RYR2: variants seen among roughly 807,000 people sequenced by gnomAD.
The protein encoded by RYR2 is ryanodine receptor 2, also known as cardiac muscle ryanodine receptor-calcium release channel.
A neutral mutation model predicts 601.1 loss-of-function variants in RYR2; 227 were observed. The ratio of observed to expected loss-of-function variants is 0.38; its 90% CI spans 0.34 to 0.42. The LOEUF is 0.42. RYR2 is among the 10% of genes least tolerant of loss of function. The pLI is 1.00. For missense variants in RYR2, 4,646 were observed against 6,156.5 expected (o/e 0.75, Z 8.21); for synonymous variants, 2,223 against 2,175.1 (o/e 1.02, Z -0.61).
chr1:237,777,161 C>T (rs77374703), intron 87 of RYR2, among the ~76,000 whole-genome samples: 1 of 152,162 alleles, frequency 6.6e-6, no homozygotes, highest in Non-Finnish European at 1.5e-5. Flanking sequence ...AATGGAGAGG[C>T]TCAGCACACG....
intron 1 of RYR2, among the ~76,000 whole-genome samples, chr1:237,150,471 A>C (rs1371237895): frequency 6.6e-6 from 1 of 152,156 alleles, no homozygotes; most frequent in Non-Finnish European, 1.5e-5. Flanking sequence ...CCGGTGCTTA[A>C]CCTAATACCT....
chr1:237,321,235 T>C (rs991587981), intron 2 of RYR2, among the ~76,000 whole-genome samples: 4 of 152,094 alleles, frequency 2.6e-5, no homozygotes, highest in South Asian at 2.1e-4. Flanking sequence ...TAAAAAGTGA[T>C]ATAGCTATTA....
chr1:237,473,308 C>T (rs1285682382), intron 17 of RYR2, among the ~76,000 whole-genome samples: 1 of 151,948 alleles, frequency 6.6e-6, no homozygotes, highest in African/African-American at 2.4e-5. Flanking sequence ...CCTGTAATCC[C>T]AGCTACTGGG....
chr1:237,552,469 A>G (rs1485840930), intron 27 of RYR2, among the ~76,000 whole-genome samples: 1 of 152,140 alleles, frequency 6.6e-6, no homozygotes, highest in Non-Finnish European at 1.5e-5. Flanking sequence ...TGACAGTTGT[A>G]GAAACAAAAG....
At chr1:237,498,066 A>T (rs1664262033) in intron 20 of RYR2, among the ~76,000 whole-genome samples, 1 of 152,030 alleles carries the variant, frequency 6.6e-6, no homozygotes, top group African/African-American at 2.4e-5. Context: ...GGGTTTCACC[A>T]TGCTGGCCAG....
chr1:237,349,976 T>C (rs1466334434), intron 3 of RYR2, among the ~76,000 whole-genome samples: 1 of 152,118 alleles, frequency 6.6e-6, no homozygotes, highest in Non-Finnish European at 1.5e-5. Context: ...CTTTATGATA[T>C]GTAAATTATA....
At chr1:237,056,880 C>T (rs1422305325) in intron 1 of RYR2, among the ~76,000 whole-genome samples, 1 of 152,146 alleles carries the variant, frequency 6.6e-6, no homozygotes, top group Non-Finnish European at 1.5e-5. Flanking sequence ...AACAGGTTCC[C>T]CCTCCCACCC....
At position 237,500,453 on chromosome 1, in the gene RYR2, A is replaced by G. The variant is rs149384715; in HGVS notation, c.2204-258A>G. On this transcript the variant is annotated intron_variant, in intron 20 of 104. Transcript: ENST00000366574. ...ATAGATAATTTCTGGATCAGTTGCC[A>G]TCCGTCTACATGCAGAAGTTTCTGT... Among the ~76,000 whole-genome samples the G allele has an allele frequency of 4.3e-3, 660 of 152,340 alleles. 2 individuals are homozygous for G. The highest frequency in any genetic ancestry group is 0.014 in the African/African-American group (596 of 41,574).
intron 1 of RYR2, among the ~76,000 whole-genome samples, chr1:237,262,247 T>TG (rs1688605459): frequency 1.2e-5 from 1 of 81,998 alleles, no homozygotes; most frequent in African/African-American, 9.5e-5. Context: ...TCTAAAGAGT[T>TG]TTTTTTTTTT....
intron 19 of RYR2, among the ~76,000 whole-genome samples, chr1:237,494,059 C>T (rs1663747631): frequency 6.6e-6 from 1 of 152,134 alleles, no homozygotes; most frequent in Non-Finnish European, 1.5e-5. Flanking sequence ...CGCCACACTG[C>T]CTTTCTTATC....
At chr1:237,566,864 TG>T (rs1672140588) in intron 28 of RYR2, 89 bp downstream of exon 28, 1 of 1,332,024 alleles carries the variant, frequency 7.5e-7, no homozygotes, top group East Asian at 2.3e-5. Flanking sequence ...ACAGTACCAG[TG>T]TTTCCCACAG....
chr1:237,491,979 T>A, intron 18 of RYR2, 55 bp downstream of exon 18: 2 of 791,940 alleles, frequency 2.5e-6, no homozygotes, highest in Non-Finnish European at 4.1e-6. Flanking sequence ...TTAGATATAT[T>A]TTTAAATACA....
At chr1:237,086,924 A>G (rs182089176) in intron 1 of RYR2, among the ~76,000 whole-genome samples, 1 of 152,312 alleles carries the variant, frequency 6.6e-6, no homozygotes, top group East Asian at 1.9e-4. Flanking sequence ...CCGGAGGAAC[A>G]TGAACTGCCT....
chr1:237,206,389 C>G (rs1156972258), intron 1 of RYR2, among the ~76,000 whole-genome samples: 1 of 152,172 alleles, frequency 6.6e-6, no homozygotes, highest in Non-Finnish European at 1.5e-5. Flanking sequence ...TTAATTGAAA[C>G]TGAAATTGTT....
At chr1:237,456,565 T>C (rs1658842030) in intron 15 of RYR2, 35 bp from the exon 16 acceptor site, 4 of 1,450,034 alleles carry the variant, frequency 2.8e-6, no homozygotes, top group African/African-American at 3.1e-5. Context: ...GTTTTGGATG[T>C]CTGATTGTGA....
intron 1 of RYR2, among the ~76,000 whole-genome samples, chr1:237,085,300 T>G (rs10925308): frequency 0.04 from 6,067 of 152,294 alleles, 379 homozygotes; most frequent in African/African-American, 0.13. Context: ...CCGTGACTTA[T>G]CAAAAGGAGT....
chr1:237,723,786 A>T (rs1485979433), intron 74 of RYR2, among the ~76,000 whole-genome samples: 2 of 152,168 alleles, frequency 1.3e-5, no homozygotes, highest in African/African-American at 4.8e-5. Flanking sequence ...GATAGATATT[A>T]AAATCATGTA....
chr1:237,270,120 G>A (rs977108624), intron 1 of RYR2, among the ~76,000 whole-genome samples: 16 of 152,138 alleles, frequency 1.1e-4, no homozygotes, highest in African/African-American at 3.4e-4. Flanking sequence ...ATGATACTTG[G>A]TGTCCTAGAA....
rs1676258662 is a variant in RYR2, at chr1:237,163,362, C to G, written c.49-107135C>G. Among the ~76,000 whole-genome samples, 4 of 144,416 alleles carry G rather than the reference C, an allele frequency of 2.8e-5. No individual in the cohort carries two copies. In the Admixed American group the frequency reaches 2.8e-4, roughly 10 times the overall value. The allele number at this position is 144,416 out of a possible 152,430, so 94.7% of individuals were successfully genotyped here. On this transcript the variant is annotated intron_variant, in intron 1 of 104. Coordinates refer to ENST00000366574, the MANE Select transcript of RYR2 (RefSeq NM_001035.3). ...GCCCACCCCCAACCCCCTACCCCCCCCACCCCCACCCCTCCACAACTGCTG... is the reference window on the plus strand; with the variant it reads ...GCCCACCCCCAACCCCCTACCCCCCGCACCCCCACCCCTCCACAACTGCTG...
Sources: allele counts gnomAD v4.1 joint callset (sites outside exome capture counted in the v4.1 genomes callset), GRCh38; gene constraint gnomAD v4.1.1; transcripts MANE v1.5; gene names NCBI Gene and HGNC (gene_info 2026-07-23, HGNC 2026-07-21).